Variants in ARHGEF38 observed in about 807,000 individuals in gnomAD.
The protein encoded by ARHGEF38 is Rho guanine nucleotide exchange factor (GEF) 38.
In ARHGEF38, 79 loss-of-function variants were observed where a neutral mutation model predicts 79.9. The observed-to-expected ratio is 0.99, with a 90% CI of 0.82 to 1.19. The LOEUF (loss-of-function observed/expected upper bound fraction) is 1.19, where lower values mean the gene tolerates loss of function less well. ARHGEF38 is among the 50% of genes most tolerant of loss of function. The pLI is 0.00. For missense variants in ARHGEF38, 962 were observed against 907.2 expected (o/e 1.06, Z -0.78); for synonymous variants, 366 against 328.3 (o/e 1.11, Z -1.24).
At chr4:105,652,725 A>T (rs919558844) in intron 7 of ARHGEF38, among the ~76,000 whole-genome samples, 2 of 83,738 alleles carry the variant, frequency 2.4e-5, no homozygotes, top group African/African-American at 2.8e-4. Flanking sequence ...ACTGCATTTA[A>T]AAAAAAATCT....
At chr4:105,621,993 T>C (rs1728753752) in intron 3 of ARHGEF38, among the ~76,000 whole-genome samples, 1 of 152,064 alleles carries the variant, frequency 6.6e-6, no homozygotes, top group Non-Finnish European at 1.5e-5. Flanking sequence ...ACACCAATCC[T>C]CACAAGAAAG....
chr4:105,660,098 G>A (rs1216771022), intron 10 of ARHGEF38, among the ~76,000 whole-genome samples: 1 of 151,940 alleles, frequency 6.6e-6, no homozygotes, highest in East Asian at 1.9e-4. Context: ...TTTCTATTGT[G>A]CATTAATTAA....
rs753377461 is a variant in ARHGEF38, at chr4:105,613,454, T to C, written c.455T>C (p.Leu152Pro). The change falls in exon 3 of 14, where the codon CTG becomes CCG. Residue 152 changes from leucine to proline, a missense_variant. Transcript: ENST00000420470. The part of the protein sequence containing the change: ...ESVHQISAKL[L>P]SLLEEATTDV... ...GTGCATCAGATATCAGCCAAGCTGC[T>C]GTCATTGTTGGAAGAGGCCACAACA... The C allele has an allele frequency of 1.8e-5, 29 of 1,613,320 alleles. No individual in the cohort carries two copies. In the South Asian group the frequency reaches 2.9e-4, roughly 16 times the overall value.
rs529853771 is a variant in ARHGEF38 at position 105,654,737 on chromosome 4, G to T, written c.1113+568G>T. 1.1e-4 allele frequency among the ~76,000 whole-genome samples: 16 copies of T among 152,164 alleles called. No homozygotes were observed. In the South Asian group the frequency reaches 2.7e-3, roughly 26 times the overall value. ...ATTGGAGTACAGTATGATTATGCTCGGTAGAAAAACCAGTCAGAGGTTTTT... is the reference window on the plus strand; with the variant it reads ...ATTGGAGTACAGTATGATTATGCTCTGTAGAAAAACCAGTCAGAGGTTTTT... On this transcript the variant is annotated intron_variant, in intron 8 of 13. Transcript: ENST00000420470.
intron 2 of ARHGEF38, among the ~76,000 whole-genome samples, chr4:105,612,544 T>C (rs1728336534): frequency 6.6e-6 from 1 of 152,166 alleles, no homozygotes; most frequent in African/African-American, 2.4e-5. Context: ...GGCTGTGGCC[T>C]GACCAGTCAC....
Position 105,679,350 on chromosome 4 carries a change from A to G in ARHGEF38, c.*1413A>G, listed in dbSNP as rs991308103. 11 of 1,049,428 alleles carry G rather than the reference A, an allele frequency of 1.0e-5. No individual in the cohort carries two copies. The African/African-American group carries it at 1.1e-4, about 11-fold the overall frequency. The allele number at this position is 1,049,428 out of a possible 1,614,324, so 65.0% of individuals were successfully genotyped here. The stretch of plus-strand genomic sequence containing the variant: ...TGGAGGAATATCAAAGCAAACACCC[A>G]TATTTCCTTTCAGGAGGCACACTCT... On this transcript the variant is annotated 3_prime_UTR_variant, in exon 14 of 14. Transcript: ENST00000420470.
chr4:105,604,551 A>G (rs1426216414), intron 2 of ARHGEF38, among the ~76,000 whole-genome samples: 1 of 151,914 alleles, frequency 6.6e-6, no homozygotes, highest in East Asian at 1.9e-4. Flanking sequence ...TTTTTATTGT[A>G]TTATTGAAGA....
At chr4:105,617,259 A>G (rs1441517485) in intron 3 of ARHGEF38, among the ~76,000 whole-genome samples, 12 of 152,206 alleles carry the variant, frequency 7.9e-5, no homozygotes, top group Non-Finnish European at 1.0e-4. Flanking sequence ...ACATAAATAC[A>G]AATATTAGTG....
chr4:105,635,854 A>T lies in ARHGEF38; in HGVS notation c.657-549A>T, dbSNP rs756920607. Among the ~76,000 whole-genome samples, 4 of 152,230 alleles carry T rather than the reference A, an allele frequency of 2.6e-5. No individual in the cohort carries two copies. The East Asian group carries it at 7.7e-4, about 29-fold the overall frequency. ...TTCCCATCTAATAGGTCTTAGACTA[A>T]GCAAAACCTAGTTATGTTAGGATGT... On this transcript the variant is annotated intron_variant, in intron 4 of 13. Coordinates refer to ENST00000420470, the MANE Select transcript of ARHGEF38 (RefSeq NM_001242729.2).
At chr4:105,649,990 A>C (rs181891028) in intron 7 of ARHGEF38, among the ~76,000 whole-genome samples, 1 of 152,246 alleles carries the variant, frequency 6.6e-6, no homozygotes, top group Non-Finnish European at 1.5e-5. Context: ...CTAGTACTTA[A>C]CAAATGGGAT....
intron 7 of ARHGEF38, among the ~76,000 whole-genome samples, chr4:105,651,330 T>G (rs953092906): frequency 6.6e-6 from 1 of 152,188 alleles, no homozygotes; most frequent in Non-Finnish European, 1.5e-5. Flanking sequence ...AATCAATCAA[T>G]TTTGCACTTG....
chr4:105,610,934 C>G (rs1484543765), intron 2 of ARHGEF38, among the ~76,000 whole-genome samples: 6 of 151,972 alleles, frequency 3.9e-5, no homozygotes, highest in Non-Finnish European at 8.8e-5. Flanking sequence ...ACCAAAAAAT[C>G]TAAACAGAGA....
chr4:105,642,395 A>T (rs1490435736), intron 5 of ARHGEF38, among the ~76,000 whole-genome samples: 1 of 152,184 alleles, frequency 6.6e-6, no homozygotes. Context: ...AATCATGTAT[A>T]AATACTATTA....
At chr4:105,584,985 T>A (rs1726964075) in intron 1 of ARHGEF38, among the ~76,000 whole-genome samples, 1 of 152,206 alleles carries the variant, frequency 6.6e-6, no homozygotes, top group Non-Finnish European at 1.5e-5. Context: ...AACCCCAGCT[T>A]TGTTCTGACT....
chr4:105,641,946 T>C (rs980506142), intron 5 of ARHGEF38, among the ~76,000 whole-genome samples: 1 of 152,178 alleles, frequency 6.6e-6, no homozygotes, highest in Non-Finnish European at 1.5e-5. Context: ...GTATTTATGA[T>C]AAGACAGAGG....
chr4:105,667,034 C>T (rs529996196), intron 11 of ARHGEF38, 95 bp from the exon 12 acceptor site: 12 of 1,065,388 alleles, frequency 1.1e-5, no homozygotes, highest in South Asian at 6.8e-5. Context: ...ATGACTCCTA[C>T]GTTTTAAAAA....
At chr4:105,629,804 G>A (rs1485378893) in intron 3 of ARHGEF38, among the ~76,000 whole-genome samples, 1 of 152,046 alleles carries the variant, frequency 6.6e-6, no homozygotes, top group Non-Finnish European at 1.5e-5. Flanking sequence ...TAAATGCCTG[G>A]ATACAATTAG....
chr4:105,607,423 AC>A (rs1303539574), intron 2 of ARHGEF38, among the ~76,000 whole-genome samples: 1 of 152,120 alleles, frequency 6.6e-6, no homozygotes, highest in Non-Finnish European at 1.5e-5. Context: ...TGTGCATTGT[AC>A]AGATTCAATT....
At chr4:105,612,173 C>T (rs1223053994) in intron 2 of ARHGEF38, among the ~76,000 whole-genome samples, 1 of 152,052 alleles carries the variant, frequency 6.6e-6, no homozygotes, top group African/African-American at 2.4e-5. Context: ...TGCTTTCTTC[C>T]TTACCCCTTG....
Sources: allele counts gnomAD v4.1 joint callset (sites outside exome capture counted in the v4.1 genomes callset), GRCh38; gene constraint gnomAD v4.1.1; transcripts MANE v1.5; gene names NCBI Gene and HGNC (gene_info 2026-07-23, HGNC 2026-07-21).